Variants in NRG1 observed in about 807,000 individuals in gnomAD.
NRG1 encodes neuregulin 1.
NRG1 carries 18 observed loss-of-function variants against 63.8 expected under a neutral mutation model. The ratio of observed to expected loss-of-function variants is 0.28; its 90% CI spans 0.19 to 0.42. The LOEUF is 0.42. Among genes scored for constraint, NRG1 ranks in the 10% least tolerant of loss-of-function variants. The pLI is 1.00. For missense variants in NRG1, 762 were observed against 814.7 expected (o/e 0.94, Z 0.79); for synonymous variants, 302 against 301.3 (o/e 1.00, Z -0.02).
chr8:32,163,493 A>T (rs1839069007), intron 1 of NRG1, among the ~76,000 whole-genome samples: 1 of 152,174 alleles, frequency 6.6e-6, no homozygotes, highest in Admixed American at 6.5e-5. Context: ...AACTGCTTTC[A>T]TCCTTGGCAA....
At chr8:32,418,691 C>T (rs1471222155) in intron 1 of NRG1, among the ~76,000 whole-genome samples, 1 of 152,078 alleles carries the variant, frequency 6.6e-6, no homozygotes, top group African/African-American at 2.4e-5. Flanking sequence ...AGGTAATATA[C>T]ACCTACAAAT....
At chr8:32,193,608 C>G (rs1842699273) in intron 1 of NRG1, among the ~76,000 whole-genome samples, 1 of 152,106 alleles carries the variant, frequency 6.6e-6, no homozygotes. Flanking sequence ...AGTTGGGAAA[C>G]TGGATTTGGT....
intron 1 of NRG1, among the ~76,000 whole-genome samples, chr8:32,298,290 G>A (rs971370504): frequency 6.6e-6 from 1 of 152,182 alleles, no homozygotes; most frequent in African/African-American, 2.4e-5. Context: ...TTAAAGTTGA[G>A]GTGATACTGA....
intron 1 of NRG1, among the ~76,000 whole-genome samples, chr8:31,902,628 G>A (rs951900498): frequency 1.3e-5 from 2 of 151,916 alleles, no homozygotes; most frequent in African/African-American, 4.8e-5. Flanking sequence ...AAGAAGAAAC[G>A]TACTAATAAA....
chr8:32,552,027 C>A (rs1459209467), intron 1 of NRG1, among the ~76,000 whole-genome samples: 1 of 150,962 alleles, frequency 6.6e-6, no homozygotes, highest in Admixed American at 6.6e-5. Flanking sequence ...TCCCCTGCCT[C>A]AGACTTTTGA....
chr8:32,518,311 A>G (rs1830029672), intron 1 of NRG1, among the ~76,000 whole-genome samples: 1 of 152,194 alleles, frequency 6.6e-6, no homozygotes, highest in Non-Finnish European at 1.5e-5. Flanking sequence ...CAGGAGCCCC[A>G]GAAACACAGA....
chr8:32,133,332 G>GT (rs777975760), intron 1 of NRG1, among the ~76,000 whole-genome samples: 1 of 152,122 alleles, frequency 6.6e-6, no homozygotes, highest in South Asian at 2.1e-4. Context: ...CTGAATTCTA[G>GT]TTTTTGCCAA....
At chr8:32,080,088 G>T (rs1827221993) in intron 1 of NRG1, among the ~76,000 whole-genome samples, 1 of 152,040 alleles carries the variant, frequency 6.6e-6, no homozygotes, top group African/African-American at 2.4e-5. Context: ...CATCTACTTA[G>T]CAATGTCTAC....
intron 1 of NRG1, among the ~76,000 whole-genome samples, chr8:32,076,817 A>G (rs1826645498): frequency 1.3e-5 from 2 of 152,154 alleles, no homozygotes; most frequent in African/African-American, 2.4e-5. Flanking sequence ...TCTATTGTTG[A>G]TTTAGAAAAA....
chr8:32,379,971 C>T, intron 1 of NRG1, among the ~76,000 whole-genome samples: 1 of 152,122 alleles, frequency 6.6e-6, no homozygotes, highest in East Asian at 1.9e-4. Flanking sequence ...GAAGATGAAA[C>T]AAAACCTTCT....
intron 1 of NRG1, among the ~76,000 whole-genome samples, chr8:32,061,066 C>T (rs996220877): frequency 6.6e-6 from 1 of 151,744 alleles, no homozygotes; most frequent in Non-Finnish European, 1.5e-5. Flanking sequence ...TATACTTATG[C>T]TTTCAAAATA....
At chr8:32,183,953 A>G (rs1841700363) in intron 1 of NRG1, among the ~76,000 whole-genome samples, 1 of 152,094 alleles carries the variant, frequency 6.6e-6, no homozygotes, top group Non-Finnish European at 1.5e-5. Flanking sequence ...GTGTAGTTTC[A>G]GTTGTGTTGA....
At chr8:31,969,206 C>T (rs564944341) in intron 1 of NRG1, among the ~76,000 whole-genome samples, 4 of 152,214 alleles carry the variant, frequency 2.6e-5, no homozygotes, top group East Asian at 1.9e-4. Flanking sequence ...AACTTCATAT[C>T]GCAGATGAAA....
At chr8:32,094,729 T>G (rs1030505096) in intron 1 of NRG1, among the ~76,000 whole-genome samples, 1 of 152,076 alleles carries the variant, frequency 6.6e-6, no homozygotes, top group African/African-American at 2.4e-5. Flanking sequence ...TTCTGTCACC[T>G]CAGAACTAAC....
chr8:31,911,889 A>G (rs981769280), intron 1 of NRG1, among the ~76,000 whole-genome samples: 4 of 152,220 alleles, frequency 2.6e-5, no homozygotes, highest in Non-Finnish European at 5.9e-5. Flanking sequence ...GATCTGTGAC[A>G]TCCAATTTTT....
At chr8:31,762,644 C>A (rs534670379) in intron 1 of NRG1, among the ~76,000 whole-genome samples, 3 of 152,022 alleles carry the variant, frequency 2.0e-5, no homozygotes, top group Admixed American at 6.6e-5. Context: ...TCTAATTGCT[C>A]TAGCTAGGGC....
chr8:32,330,686 T>C (rs1240239510), intron 1 of NRG1, among the ~76,000 whole-genome samples: 1 of 152,168 alleles, frequency 6.6e-6, no homozygotes, highest in Non-Finnish European at 1.5e-5. Flanking sequence ...TTGAGGGTAG[T>C]TCCTAGGAAG....
chr8:31,730,348 G>A (rs903106025), intron 1 of NRG1, among the ~76,000 whole-genome samples: 1 of 151,920 alleles, frequency 6.6e-6, no homozygotes, highest in Non-Finnish European at 1.5e-5. Flanking sequence ...GCCAGGCTGG[G>A]GATATAAATG....
intron 1 of NRG1, among the ~76,000 whole-genome samples, chr8:32,264,075 T>C (rs531275779): frequency 2.5e-4 from 38 of 152,190 alleles, no homozygotes; most frequent in African/African-American, 8.7e-4. Flanking sequence ...CACACTGTCA[T>C]GGGGGAAAAA....
Sources: allele counts gnomAD v4.1 joint callset (sites outside exome capture counted in the v4.1 genomes callset), GRCh38; gene constraint gnomAD v4.1.1; transcripts MANE v1.5; gene names NCBI Gene and HGNC (gene_info 2026-07-23, HGNC 2026-07-21).